The following SEPTIN6 variants were observed in gnomAD, a reference collection of about 807,000 sequenced individuals.
SEPTIN6 encodes the protein septin-6.
A neutral mutation model predicts 33.6 loss-of-function variants in SEPTIN6; 8 were observed. That is an observed-to-expected ratio of 0.24 (90% CI 0.14 to 0.43). The LOEUF (loss-of-function observed/expected upper bound fraction) is 0.43. Among genes scored for constraint, SEPTIN6 ranks in the 20% least tolerant of loss-of-function variants. The pLI is 1.00. For missense variants in SEPTIN6, 250 were observed against 340.8 expected, an observed-to-expected ratio of 0.73 and a Z score of 2.10; for synonymous variants, 131 against 140.0, an observed-to-expected ratio of 0.94 and a Z score of 0.45.
intron 3 of SEPTIN6, among the ~76,000 whole-genome samples, chrX:119,662,117 T>G (rs2054558493): frequency 9.2e-6 from 1 of 109,240 alleles, no homozygotes; most frequent in Non-Finnish European, 1.9e-5. Context: ...TTTTCCTCCA[T>G]CTATTGACTT....
At chrX:119,643,377 G>A (rs368459538) in intron 5 of SEPTIN6, among the ~76,000 whole-genome samples, 18 of 108,488 alleles carry the variant, frequency 1.7e-4, no homozygotes, top group African/African-American at 5.7e-4. Context: ...TGAATTGGGA[G>A]GTGCTTCTCT....
intron 5 of SEPTIN6, chrX:119,646,872 T>C (rs748318684): frequency 4.8e-6 from 1 of 207,368 alleles, no homozygotes; most frequent in East Asian, 1.3e-4. Flanking sequence ...ACGGCTTGTG[T>C]GAAGACTCTG....
Position 119,619,673 on chromosome X carries a change from G to T in SEPTIN6, c.*420C>A. 1 of 903,767 alleles carries T rather than the reference G, an allele frequency of 1.1e-6. No homozygotes were observed. Among genetic ancestry groups the T allele is most frequent in the South Asian group, 4.2e-5 (1 of 24,094 alleles). 74.5% of individuals were successfully genotyped at this position (903,767 alleles called of 1,213,427 possible). A position where few individuals can be genotyped will look rare whatever the true frequency, so the allele number is the denominator to read the frequency against. On this transcript the variant is annotated 3_prime_UTR_variant, in exon 11 of 11. Transcript: ENST00000394610. ...AGCTGTGCTGATCGGTGGTTACCCAGCCATGGTGGTTGCAAATACCTCAGG... is the reference window on the plus strand; with the variant it reads ...AGCTGTGCTGATCGGTGGTTACCCATCCATGGTGGTTGCAAATACCTCAGG...
rs2053690331 is a variant in SEPTIN6 at position 119,617,886 on chromosome X, C to T, written c.*2207G>A. On this transcript the variant is annotated 3_prime_UTR_variant, in exon 11 of 11. Coordinates refer to ENST00000394610, the MANE Select transcript of SEPTIN6 (RefSeq NM_145799.4). ...AAGGTCTCTCCAAGGCTGTGTGGGT[C>T]TAATACTTTTGAATTATTCAGAGCT... 5.0e-6 allele frequency: 4 copies of T among 800,685 alleles called. No homozygotes were observed. In the South Asian group the frequency reaches 2.7e-4, roughly 53 times the overall value. 66.0% of individuals were successfully genotyped at this position (800,685 alleles called of 1,213,427 possible).
intron 3 of SEPTIN6, 96 bp from the exon 4 acceptor site, chrX:119,653,136 A>C: frequency 3.1e-6 from 2 of 652,557 alleles, no homozygotes; most frequent in East Asian, 3.5e-5. Context: ...TGTAATCTTG[A>C]CTCTCTCCCA....
intron 1 of SEPTIN6, among the ~76,000 whole-genome samples, chrX:119,682,047 G>GA (rs372724112): frequency 1.8e-3 from 187 of 102,626 alleles, no homozygotes; most frequent in African/African-American, 5.9e-3. Context: ...AAAAAAGAAA[G>GA]AAAAAAAAAA....
At chrX:119,633,797 C>T (rs539224365) in intron 7 of SEPTIN6, among the ~76,000 whole-genome samples, 17 of 112,411 alleles carry the variant, frequency 1.5e-4, no homozygotes, top group African/African-American at 4.2e-4. Flanking sequence ...CAAGGCCCCA[C>T]GGCTAGTTAG....
intron 3 of SEPTIN6, among the ~76,000 whole-genome samples, chrX:119,653,283 C>T (rs2054380043): frequency 9.0e-6 from 1 of 111,660 alleles, no homozygotes; most frequent in Admixed American, 9.6e-5. Context: ...CTCCTCATCC[C>T]AATTCTGCCC....
intron 5 of SEPTIN6, among the ~76,000 whole-genome samples, chrX:119,643,986 A>G (rs1341473717): frequency 8.9e-6 from 1 of 111,784 alleles, no homozygotes; most frequent in Non-Finnish European, 1.9e-5. Context: ...CGAGCAGAGC[A>G]GAGAGCAGAT....
downstream of SEPTIN6, chrX:119,616,466 A>C: frequency 2.1e-6 from 1 of 476,988 alleles, no homozygotes; most frequent in South Asian, 2.5e-5. Flanking sequence ...CATTTCGTCC[A>C]TTTTCCAGCT....
chrX:119,624,152 T>G (rs1482923881), intron 10 of SEPTIN6: 5 of 235,219 alleles, frequency 2.1e-5, no homozygotes, highest in African/African-American at 2.0e-4. Flanking sequence ...GGGTTTTTTT[T>G]TTTTGTTTTT....
At chrX:119,633,288 TC>T in intron 8 of SEPTIN6, 71 bp downstream of exon 8, 1 of 1,002,242 alleles carries the variant, frequency 1.0e-6, no homozygotes, top group Admixed American at 2.7e-5. Flanking sequence ...GTAAAAGCGT[TC>T]CTATTTTTCC....
chrX:119,669,120 A>G (rs866304687), intron 2 of SEPTIN6, among the ~76,000 whole-genome samples: 8 of 113,097 alleles, frequency 7.1e-5, no homozygotes, highest in African/African-American at 2.6e-4. Context: ...ATGTGGAAGA[A>G]GTAACTAGTC....
intron 5 of SEPTIN6, among the ~76,000 whole-genome samples, chrX:119,647,483 C>CTCTTTTTTTTTTT (rs376139472): frequency 5.8e-4 from 43 of 74,407 alleles, no homozygotes; most frequent in East Asian, 1.2e-3. Flanking sequence ...TTCTCTCTCT[C>CTCTTTTTTTTTTT]TTTTTTTTTT....
At chrX:119,625,557 T>C (rs2053845346) in intron 9 of SEPTIN6, among the ~76,000 whole-genome samples, 178 bp from the exon 10 acceptor site, 1 of 107,871 alleles carries the variant, frequency 9.3e-6, no homozygotes, top group Admixed American at 1.0e-4. Context: ...TTTTTTTTTT[T>C]TTTGAGTCAG....
chrX:119,643,859 C>T (rs1569426782), intron 5 of SEPTIN6, among the ~76,000 whole-genome samples: 1 of 111,707 alleles, frequency 9.0e-6, no homozygotes, highest in Admixed American at 9.6e-5. Context: ...CTCCTGGCTA[C>T]ATGGCATCTG....
Position 119,618,677 on chromosome X carries a change from G to C in SEPTIN6, c.*1416C>G, listed in dbSNP as rs996669419. On this transcript the variant is annotated 3_prime_UTR_variant, in exon 11 of 11. Transcript: ENST00000394610. The stretch of plus-strand genomic sequence containing the variant: ...TAGGGGTGGGGGGCCTCGCTGCCTG[G>C]CACCCCAAAGGAAAGCTGTCAGTTA... 8 of 1,185,378 alleles carry C rather than the reference G, an allele frequency of 6.7e-6. No homozygotes were observed. The highest frequency in any genetic ancestry group is 1.1e-6 in the Non-Finnish European group (1 of 882,454).
At chrX:119,620,434 T>C (rs2053732436) in intron 10 of SEPTIN6, among the ~76,000 whole-genome samples, 1 of 105,084 alleles carries the variant, frequency 9.5e-6, no homozygotes, top group Non-Finnish European at 1.9e-5. Flanking sequence ...TTCTCCTGCC[T>C]CAGCCTCCCC....
At chrX:119,660,805 TGAG>T (rs2054523357) in intron 3 of SEPTIN6, among the ~76,000 whole-genome samples, 1 of 84,930 alleles carries the variant, frequency 1.2e-5, no homozygotes, top group Non-Finnish European at 2.1e-5. Flanking sequence ...AAGGCGGGGG[TGAG>T]CGGGGGGGAT....
Sources: gnomAD v4.1 joint callset for allele counts (sites outside exome capture counted in the v4.1 genomes callset) on GRCh38, gnomAD v4.1.1 for gene constraint, MANE v1.5 for transcripts, NCBI Gene and HGNC (gene_info 2026-07-23, HGNC 2026-07-21) for gene names.